DENND4C: variants seen among roughly 807,000 people sequenced by gnomAD.
The protein encoded by DENND4C is DENN domain containing 4C.
Under a neutral mutation model 203.0 loss-of-function variants are expected in DENND4C, and 108 were observed. That is an observed-to-expected ratio of 0.53 (90% CI 0.46 to 0.62). The LOEUF is 0.62. DENND4C is among the 20% of genes least tolerant of loss of function. The probability of loss-of-function intolerance (pLI) is 0.00; values close to 1 mark genes in which losing one functional copy is unlikely to be tolerated. For synonymous variants in DENND4C, 871 were observed against 792.4 expected (o/e 1.10, Z -1.67); for missense variants, 2,481 against 2,301.2 (o/e 1.08, Z -1.60).
intron 2 of DENND4C, among the ~76,000 whole-genome samples, chr9:19,280,140 G>GCCTGCCTTCCTC (rs1833745822): frequency 6.7e-6 from 1 of 149,222 alleles, no homozygotes; most frequent in Non-Finnish European, 1.5e-5. Context: ...CTACCTGCCT[G>GCCTGCCTTCCTC]CCTTCCTCCC....
Position 19,316,752 on chromosome 9 carries a change from T to C in DENND4C, c.1720T>C (p.Leu574=). 6.2e-7 allele frequency: 1 copy of C among 1,614,128 alleles called. No individual in the cohort carries two copies. The stretch of plus-strand genomic sequence containing the variant: ...ATTTTTGCGCTTTATGGCGTCTATT[T>C]TAAAAGGATATAGAACATATCTCAG... ...EAFLRFMASI[L]KGYRTYLRPI... Residue 574 remains leucine (L), a synonymous_variant, in exon 12 of 33, where the codon TTA becomes CTA. Transcript: ENST00000434457.
chr9:19,322,003 A>G (rs1312247086), intron 12 of DENND4C, among the ~76,000 whole-genome samples: 1 of 152,200 alleles, frequency 6.6e-6, no homozygotes, highest in African/African-American at 2.4e-5. Context: ...AAAGAGTCAT[A>G]AATTATGTAG....
chr9:19,292,031 C>CT (rs111512637), intron 5 of DENND4C, among the ~76,000 whole-genome samples: 103 of 148,674 alleles, frequency 6.9e-4, no homozygotes, highest in Non-Finnish European at 1.2e-3. Context: ...AATCCCACCT[C>CT]TTTTTTTTTT....
At position 19,336,681 on chromosome 9, in the gene DENND4C, T is replaced by G; in HGVS notation, c.2735-5T>G. 6.4e-7 allele frequency: 1 copy of G among 1,550,556 alleles called. No homozygotes were observed. Among genetic ancestry groups the G allele is most frequent in the Non-Finnish European group, 8.7e-7 (1 of 1,146,824 alleles). On this transcript the variant is annotated splice_region_variant and splice_polypyrimidine_tract_variant and intron_variant, in intron 19 of 32. Transcript: ENST00000434457. ...TTATTGAACTGCTATTGTCCTTATC[T>G]TTAGCTCTTCAAAATGTCACAGGTG...
chr9:19,356,252 G>C (rs746347022), intron 26 of DENND4C, among the ~76,000 whole-genome samples: 1 of 152,024 alleles, frequency 6.6e-6, no homozygotes, highest in Admixed American at 6.6e-5. Flanking sequence ...CAAAGACTTT[G>C]ATATGCATAT....
intron 1 of DENND4C, among the ~76,000 whole-genome samples, chr9:19,272,604 T>C (rs1217580042): frequency 6.6e-6 from 1 of 151,990 alleles, no homozygotes; most frequent in Non-Finnish European, 1.5e-5. Context: ...GATATCCATA[T>C]GTAAAAAAAT....
At chr9:19,301,035 G>A (rs1037893224) in intron 9 of DENND4C, among the ~76,000 whole-genome samples, 21 of 152,084 alleles carry the variant, frequency 1.4e-4, no homozygotes, top group African/African-American at 2.7e-4. Flanking sequence ...AAAGTTAGCC[G>A]GGTGTGGTGG....
At chr9:19,243,217 G>C (rs1217121114) in intron 1 of DENND4C, among the ~76,000 whole-genome samples, 1 of 151,978 alleles carries the variant, frequency 6.6e-6, no homozygotes, top group African/African-American at 2.4e-5. Flanking sequence ...TACCTATTTT[G>C]GACATTTCAT....
At chr9:19,246,943 C>G (rs1002456020) in intron 1 of DENND4C, among the ~76,000 whole-genome samples, 1 of 152,154 alleles carries the variant, frequency 6.6e-6, no homozygotes, top group African/African-American at 2.4e-5. Context: ...ATTGCTCATT[C>G]TCAGTATCTC....
At chr9:19,338,654 G>A (rs998979264) in intron 20 of DENND4C, among the ~76,000 whole-genome samples, 2 of 152,106 alleles carry the variant, frequency 1.3e-5, no homozygotes, top group African/African-American at 4.8e-5. Flanking sequence ...TTGGTACCTG[G>A]TACAGAGTCA....
chr9:19,248,665 C>T (rs1825835586), intron 1 of DENND4C, among the ~76,000 whole-genome samples: 1 of 152,188 alleles, frequency 6.6e-6, no homozygotes, highest in South Asian at 2.1e-4. Context: ...GCTGGGATTA[C>T]AGGTGTGTGC....
chr9:19,315,028 C>T lies in DENND4C; in HGVS notation c.1488-1389C>T, dbSNP rs1442292199. ...ATAAAAAATTAGCTGGGCGTGATGG[C>T]GCGCCCCTGTAATCCCAGCTACTCA... On this transcript the variant is annotated intron_variant, in intron 10 of 32. Transcript: ENST00000434457. Among the ~76,000 whole-genome samples the T allele has an allele frequency of 4.0e-5, 6 of 151,774 alleles. No homozygotes were observed. The South Asian group carries it at 6.2e-4, about 16-fold the overall frequency.
chr9:19,340,378 C>T (rs1821332048), intron 20 of DENND4C, among the ~76,000 whole-genome samples: 2 of 152,250 alleles, frequency 1.3e-5, no homozygotes, highest in African/African-American at 4.8e-5. Context: ...TCCCCTGGCC[C>T]TTTCAGTGTG....
chr9:19,304,049 A>T lies in DENND4C; in HGVS notation c.1312-1303A>T, dbSNP rs200902845. Among the ~76,000 whole-genome samples the T allele has an allele frequency of 4.9e-3, 603 of 122,860 alleles. 5 individuals carry two copies. Among genetic ancestry groups the T allele is most frequent in the East Asian group, 0.012 (61 of 4,898 alleles). 80.6% of individuals were successfully genotyped at this position (122,860 alleles called of 152,430 possible). ...AAAAACATCAAAACCTGTCTTTTTT[A>T]AAAAAAAAAAAAACCCACAAATGAT... On this transcript the variant is annotated intron_variant, in intron 9 of 32. Transcript: ENST00000434457.
chr9:19,319,317 CATAT>C (rs746044549), intron 12 of DENND4C, among the ~76,000 whole-genome samples: 1 of 41,886 alleles, frequency 2.4e-5, no homozygotes, highest in Non-Finnish European at 6.2e-5. Context: ...TATATACACA[CATAT>C]ATATACATAT....
chr9:19,370,048 T>C (rs186798195), intron 31 of DENND4C, 61 bp downstream of exon 31: 4 of 1,577,866 alleles, frequency 2.5e-6, no homozygotes, highest in Non-Finnish European at 3.5e-6. Context: ...TAAAAAAATA[T>C]CTTACTTTTA....
In DENND4C at chr9:19,332,017, A is replaced by G. The variant is rs375233493; in HGVS notation, c.2293A>G (p.Thr765Ala). 2 of 1,613,908 alleles carry G rather than the reference A, an allele frequency of 1.2e-6. No individual in the cohort carries two copies. Among genetic ancestry groups the G allele is most frequent in the Non-Finnish European group, 1.7e-6 (2 of 1,179,984 alleles). Residue 765 changes from threonine (T) to alanine (A), a missense_variant, in exon 17 of 33, where the codon ACA becomes GCA. By Grantham distance (58) the Thr-to-Ala change is moderately conservative. This residue lies in a region of DENND4C where 2,289 missense variants were observed against 2,113.3 expected (regional missense o/e 1.08). Coordinates refer to ENST00000434457, the MANE Select transcript of DENND4C (RefSeq NM_001330640.2). ...TAHKLAKRCYTNPPQWAKCLF... is the reference protein window; with the variant it reads ...TAHKLAKRCYANPPQWAKCLF... ...TCATAAATTGGCGAAGAGATGTTAT[A>G]CAAATCCACCACAGTGGGCCAAGTG...
At chr9:19,326,405 T>C (rs530384502) in intron 15 of DENND4C, among the ~76,000 whole-genome samples, 1 of 152,242 alleles carries the variant, frequency 6.6e-6, no homozygotes, top group South Asian at 2.1e-4. Flanking sequence ...TTTACCTTAG[T>C]GTTTGTATTT....
rs779496979 is a variant in DENND4C, at chr9:19,334,517, GTTTT to G, written c.2461-448_2461-445del. Among the ~76,000 whole-genome samples, 37 of 135,214 alleles carry G rather than the reference GTTTT, an allele frequency of 2.7e-4. No individual in the cohort carries two copies. The South Asian group carries it at 6.1e-3, about 22-fold the overall frequency. 88.7% of individuals were successfully genotyped at this position (135,214 alleles called of 152,430 possible). A position where few individuals can be genotyped will look rare whatever the true frequency, so the allele number is the denominator to read the frequency against. On this transcript the variant is annotated intron_variant, in intron 17 of 32. Coordinates refer to ENST00000434457, the MANE Select transcript of DENND4C (RefSeq NM_001330640.2). ...CATTAATGAATAGGTTTGTTTTTGG[GTTTT>G]TTTTTTTTTTTCTTTTTTTTTTGAG... is the stretch of plus-strand genomic sequence containing the variant.
Sources: gnomAD v4.1 joint callset for allele counts (sites outside exome capture counted in the v4.1 genomes callset) on GRCh38, gnomAD v4.1.1 for gene constraint, gnomAD v4.1.1 regional missense constraint, MANE v1.5 for transcripts, NCBI Gene and HGNC (gene_info 2026-07-23, HGNC 2026-07-21) for gene names.